The following ADCY5 variants were observed in gnomAD, a reference collection of about 807,000 sequenced individuals.
ADCY5 encodes the protein adenylate cyclase 5.
ADCY5 carries 30 observed loss-of-function variants against 119.7 expected under a neutral mutation model. The observed-to-expected ratio is 0.25, with a 90% CI of 0.19 to 0.34. The LOEUF is 0.34. Ranked by LOEUF, ADCY5 falls within the 10% of genes least tolerant of loss-of-function variation. ADCY5 has a pLI of 1.00. For missense variants in ADCY5, 1,324 were observed against 1,775.2 expected (o/e 0.75, Z 4.57); for synonymous variants, 753 against 762.2 (o/e 0.99, Z 0.20).
Position 123,332,674 on chromosome 3 carries a change from T to G in ADCY5, c.1408A>C (p.Ile470Leu). 1.2e-6 allele frequency: 2 copies of G among 1,605,646 alleles called. No individual in the cohort carries two copies. Among genetic ancestry groups the G allele is most frequent in the Non-Finnish European group, 1.7e-6 (2 of 1,172,740 alleles). The change falls in exon 4 of 21, where the codon ATC becomes CTC. Residue 470 changes from isoleucine to leucine, a missense_variant and splice_region_variant. Physicochemically the swap from Ile to Leu is conservative, Grantham distance 5. Around this residue, in one of 6 missense-constraint regions of ADCY5, gnomAD observed 123 missense variants for 287.9 expected, o/e 0.43. Coordinates refer to ENST00000462833, the MANE Select transcript of ADCY5 (RefSeq NM_183357.3). ...IYIQKHDNVS[I>L]LFADIEGFTS... ...AAGCCCTCGATGTCAGCAAACAGGA[T>G]GCTGGGGGACAGGCAGAGGAGGAAG...
At chr3:123,432,427 A>C (rs188569221) in intron 1 of ADCY5, among the ~76,000 whole-genome samples, 1 of 152,346 alleles carries the variant, frequency 6.6e-6, no homozygotes. Flanking sequence ...GAGGGAGAGA[A>C]AAATGGTGCA....
intron 3 of ADCY5, among the ~76,000 whole-genome samples, chr3:123,342,205 C>T (rs528332481): frequency 1.3e-5 from 2 of 152,302 alleles, no homozygotes; most frequent in East Asian, 1.9e-4. Context: ...ACATTTTCCA[C>T]CCTCTGCCTA....
intron 1 of ADCY5, among the ~76,000 whole-genome samples, chr3:123,423,716 T>C (rs1043818726): frequency 2.6e-5 from 4 of 152,134 alleles, no homozygotes; most frequent in Non-Finnish European, 5.9e-5. Context: ...TGGCAGTCCC[T>C]CTGCAGTAAG....
Position 123,328,685 on chromosome 3 carries a change from A to G in ADCY5, c.1764T>C (p.Asp588=), listed in dbSNP as rs773684731. 1 of 1,614,212 alleles carries G rather than the reference A, an allele frequency of 6.2e-7. No homozygotes were observed. The highest frequency in any genetic ancestry group is 1.1e-5 in the South Asian group (1 of 91,088). The change falls in exon 6 of 21, where the codon GAT becomes GAC. Residue 588 remains aspartate (D), a synonymous_variant. Coordinates refer to ENST00000462833, the MANE Select transcript of ADCY5 (RefSeq NM_183357.3). ...CCTCCATGTGGTTGGCTAGCGTGAC[A>G]TCGTTAGACCAGACGTCGAACTGCC... ...RKWQFDVWSN[D]VTLANHMEAG... is the part of the protein sequence containing the mutation.
At chr3:123,337,381 T>C (rs1942073793) in intron 3 of ADCY5, among the ~76,000 whole-genome samples, 1 of 152,186 alleles carries the variant, frequency 6.6e-6, no homozygotes, top group East Asian at 1.9e-4. Context: ...GTGCCCCCGG[T>C]AGTTTCCTCA....
At chr3:123,396,033 AGAGGGAGGGAGGGAGAGAGGGAGG>A (rs1944542991) in intron 1 of ADCY5, among the ~76,000 whole-genome samples, 1 of 93,776 alleles carries the variant, frequency 1.1e-5, no homozygotes, top group Non-Finnish European at 2.1e-5. Flanking sequence ...AGGGAGGGAG[AGAGGGAGGGAGGGAGAGAGGGAGG>A]GAGGGTGGGA....
chr3:123,302,176 C>T (rs909391238), intron 14 of ADCY5, among the ~76,000 whole-genome samples: 1 of 152,214 alleles, frequency 6.6e-6, no homozygotes, highest in Non-Finnish European at 1.5e-5. Context: ...CCATAGGGAG[C>T]TGGGGGTTTG....
At chr3:123,291,571 A>G (rs780441771) in intron 17 of ADCY5, among the ~76,000 whole-genome samples, 195 bp from the exon 18 acceptor site, 3 of 152,170 alleles carry the variant, frequency 2.0e-5, no homozygotes, top group Non-Finnish European at 4.4e-5. Flanking sequence ...TCCAAAGAGC[A>G]GGACTTTGAC....
intron 3 of ADCY5, among the ~76,000 whole-genome samples, chr3:123,340,523 C>T (rs759601881): frequency 1.8e-4 from 27 of 152,258 alleles, no homozygotes; most frequent in Middle Eastern, 3.4e-3. Flanking sequence ...AACTGGTCAG[C>T]GCCTCTTTGC....
intron 1 of ADCY5, among the ~76,000 whole-genome samples, chr3:123,433,206 G>A (rs374661681): frequency 2.6e-4 from 40 of 152,348 alleles, no homozygotes; most frequent in African/African-American, 9.4e-4. Flanking sequence ...CACAAAGGCA[G>A]GCAGGGCCCC....
At position 123,402,339 on chromosome 3, in the gene ADCY5, G is replaced by A. The variant is rs144771454; in HGVS notation, c.1134+45073C>T. On this transcript the variant is annotated intron_variant, in intron 1 of 20. Transcript: ENST00000462833. ...GGAGCAGACCCAGAGGTGGAATGCC[G>A]GGGCTGCAGAGCATGGCTCCAACCC... is the stretch of plus-strand genomic sequence containing the variant. 4.0e-3 allele frequency among the ~76,000 whole-genome samples: 610 copies of A among 152,354 alleles called. 4 individuals carry two copies. The highest frequency in any genetic ancestry group is 6.8e-3 in the Middle Eastern group (2 of 294).
intron 1 of ADCY5, among the ~76,000 whole-genome samples, chr3:123,397,016 A>G (rs1358763276): frequency 6.6e-6 from 1 of 152,166 alleles, no homozygotes; most frequent in African/African-American, 2.4e-5. Context: ...GGTCCCGCCG[A>G]GAAGGAATTC....
chr3:123,385,481 T>C (rs543459132), intron 1 of ADCY5, among the ~76,000 whole-genome samples: 115 of 152,142 alleles, frequency 7.6e-4, no homozygotes, highest in Non-Finnish European at 1.4e-3. Context: ...CACATAGTCT[T>C]GGTGCCTAAA....
rs1157634148 is a variant in ADCY5 at position 123,447,977 on chromosome 3, G to A, written c.569C>T (p.Ser190Leu). Residue 190 changes from serine to leucine, a missense_variant, in exon 1 of 21, where the codon TCG becomes TTG. Transcript: ENST00000462833. ...GGEGSGDGGSSADSGSGAGPG... is the reference protein window; with the variant it reads ...GGEGSGDGGSLADSGSGAGPG... ...CCCCGCGCCCGAGCCCGAGTCCGCC[G>A]AGCTGCCGCCATCCCCGGACCCCTC... The A allele has an allele frequency of 1.4e-6, 2 of 1,432,114 alleles. No individual in the cohort carries two copies. Among genetic ancestry groups the A allele is most frequent in the Non-Finnish European group, 1.8e-6 (2 of 1,094,064 alleles). 88.7% of individuals were successfully genotyped at this position (1,432,114 alleles called of 1,614,324 possible).
At chr3:123,403,823 G>T (rs1944835509) in intron 1 of ADCY5, among the ~76,000 whole-genome samples, 1 of 152,118 alleles carries the variant, frequency 6.6e-6, no homozygotes, top group Non-Finnish European at 1.5e-5. Context: ...GTATGTCTTT[G>T]TCACACTCTT....
chr3:123,297,132 G>C (rs1939564878), intron 16 of ADCY5: 2 of 1,420,370 alleles, frequency 1.4e-6, no homozygotes, highest in East Asian at 2.4e-5. Flanking sequence ...CAACCACAGA[G>C]ACTACAGATC....
chr3:123,433,180 T>G (rs186006989), intron 1 of ADCY5, among the ~76,000 whole-genome samples: 3 of 152,278 alleles, frequency 2.0e-5, no homozygotes, highest in East Asian at 3.9e-4. Context: ...CAATTTAGAT[T>G]GGCGGTGTCA....
At chr3:123,439,458 C>A (rs1214195282) in intron 1 of ADCY5, among the ~76,000 whole-genome samples, 1 of 152,096 alleles carries the variant, frequency 6.6e-6, no homozygotes, top group Non-Finnish European at 1.5e-5. Context: ...ACGGTAAGAA[C>A]AAATCTTCTG....
At chr3:123,377,115 C>T (rs1406117989) in intron 1 of ADCY5, among the ~76,000 whole-genome samples, 1 of 152,180 alleles carries the variant, frequency 6.6e-6, no homozygotes, top group African/African-American at 2.4e-5. Flanking sequence ...GCTGGAGCTC[C>T]ACACAGCAGC....
Sources: allele counts gnomAD v4.1 joint callset (sites outside exome capture counted in the v4.1 genomes callset), GRCh38; gene constraint gnomAD v4.1.1; regional missense constraint gnomAD v4.1.1; transcripts MANE v1.5; gene names NCBI Gene and HGNC (gene_info 2026-07-23, HGNC 2026-07-21).